The following LINGO2 variants were observed in gnomAD, a reference collection of about 807,000 sequenced individuals.
The protein encoded by LINGO2 is leucine-rich repeat and immunoglobulin-like domain-containing nogo receptor-interacting protein 2.
A neutral mutation model predicts 30.6 loss-of-function variants in LINGO2; 14 were observed. The observed-to-expected ratio is 0.46, with a 90% CI of 0.30 to 0.72. The LOEUF (loss-of-function observed/expected upper bound fraction) is 0.72. Among genes scored for constraint, LINGO2 ranks in the 30% least tolerant of loss-of-function variants. The pLI is 0.07. For synonymous variants in LINGO2, 317 were observed against 288.5 expected (o/e 1.10, Z -1.00); for missense variants, 729 against 751.7 (o/e 0.97, Z 0.35).
the LINGO2 span, among the ~76,000 whole-genome samples, chr9:29,083,412 A>C: frequency 6.6e-6 from 1 of 152,092 alleles, no homozygotes; most frequent in African/African-American, 2.4e-5. Context: ...GAAAGGGAAC[A>C]TCACACACTG....
At chr9:27,950,398 T>C (rs1196522864) in exon 6 of LINGO2, 2 of 1,614,188 alleles carry the variant, frequency 1.2e-6, no homozygotes, top group Non-Finnish European at 1.7e-6. Context: ...TTGGCAATGA[T>C]GTTGTCACTC....
chr9:28,776,954 T>C, the LINGO2 span, among the ~76,000 whole-genome samples: 1 of 152,052 alleles, frequency 6.6e-6, no homozygotes, highest in Non-Finnish European at 1.5e-5. Flanking sequence ...TGATTTCCCC[T>C]TGGATTTCCC....
At chr9:28,755,606 T>A in the LINGO2 span, among the ~76,000 whole-genome samples, 1 of 152,098 alleles carries the variant, frequency 6.6e-6, no homozygotes, top group Non-Finnish European at 1.5e-5. Flanking sequence ...GGACATTTTA[T>A]AGGAAGGAAG....
chr9:28,100,159 G>A (rs770194651), intron 4 of LINGO2, among the ~76,000 whole-genome samples: 12 of 152,018 alleles, frequency 7.9e-5, no homozygotes, highest in Non-Finnish European at 1.2e-4. Context: ...ACCTAGCATC[G>A]TACCTAAAAT....
chr9:28,785,673 A>AACACAC, the LINGO2 span, among the ~76,000 whole-genome samples: 1 of 75,922 alleles, frequency 1.3e-5, no homozygotes, highest in African/African-American at 3.9e-5. Flanking sequence ...TCTCTCCACA[A>AACACAC]ACACACACAC....
chr9:28,435,903 G>A (rs909825230), intron 2 of LINGO2, among the ~76,000 whole-genome samples: 2 of 152,170 alleles, frequency 1.3e-5, no homozygotes, highest in Admixed American at 1.3e-4. Context: ...CACTGGGGAC[G>A]TGAGATTTTA....
the LINGO2 span, among the ~76,000 whole-genome samples, chr9:28,863,176 C>T: frequency 6.6e-6 from 1 of 152,070 alleles, no homozygotes; most frequent in South Asian, 2.1e-4. Flanking sequence ...TACAAAAGTA[C>T]TGCATAACAA....
chr9:28,623,159 A>G (rs1479733560), intron 1 of LINGO2, among the ~76,000 whole-genome samples: 1 of 151,364 alleles, frequency 6.6e-6, no homozygotes, highest in African/African-American at 2.4e-5. Context: ...CACTTTGTTG[A>G]TTGATTCCTT....
At chr9:29,007,965 T>C in the LINGO2 span, among the ~76,000 whole-genome samples, 1 of 152,174 alleles carries the variant, frequency 6.6e-6, no homozygotes, top group Non-Finnish European at 1.5e-5. Context: ...CTAGGGTACA[T>C]GTGCACAACA....
intron 4 of LINGO2, among the ~76,000 whole-genome samples, chr9:28,042,628 C>T (rs920234749): frequency 3.3e-5 from 5 of 152,138 alleles, no homozygotes; most frequent in Non-Finnish European, 4.4e-5. Context: ...CTCTAATTCT[C>T]ATCATGTGTC....
intron 4 of LINGO2, among the ~76,000 whole-genome samples, chr9:28,143,199 A>C (rs1212973461): frequency 6.6e-6 from 1 of 152,198 alleles, no homozygotes; most frequent in Non-Finnish European, 1.5e-5. Flanking sequence ...AAAATTCGAT[A>C]TCTACATTAG....
At chr9:28,156,801 G>A (rs1033094431) in intron 4 of LINGO2, among the ~76,000 whole-genome samples, 4 of 152,240 alleles carry the variant, frequency 2.6e-5, no homozygotes, top group Admixed American at 6.5e-5. Flanking sequence ...CCCCATGGCA[G>A]TCTGAAATCC....
At chr9:28,234,988 C>T (rs982680700) in intron 4 of LINGO2, among the ~76,000 whole-genome samples, 1 of 152,304 alleles carries the variant, frequency 6.6e-6, no homozygotes, top group South Asian at 2.1e-4. Flanking sequence ...TGACTCCAAT[C>T]CCTGGCTTCC....
At chr9:28,094,513 ATGTG>A (rs148153724) in intron 4 of LINGO2, among the ~76,000 whole-genome samples, 1 of 150,482 alleles carries the variant, frequency 6.6e-6, no homozygotes, top group African/African-American at 2.5e-5. Flanking sequence ...GAAAGGGGAT[ATGTG>A]TGTGTGTGTG....
chr9:28,722,703 A>G, the LINGO2 span, among the ~76,000 whole-genome samples: 1 of 152,092 alleles, frequency 6.6e-6, no homozygotes, highest in African/African-American at 2.4e-5. Flanking sequence ...ACTGATATCA[A>G]CCCTCAGGAG....
chr9:28,103,193 T>C (rs896848237), intron 4 of LINGO2, among the ~76,000 whole-genome samples: 8 of 152,164 alleles, frequency 5.3e-5, no homozygotes, highest in Non-Finnish European at 8.8e-5. Flanking sequence ...TAGCTTGAGA[T>C]TCTTTGAATT....
chr9:28,769,533 TTTTTTTTTTTTTA>T, the LINGO2 span, among the ~76,000 whole-genome samples: 15 of 67,330 alleles, frequency 2.2e-4, 1 homozygote, highest in African/African-American at 4.0e-4. Context: ...TTTTTTTTTT[TTTTTTTTTTTTTA>T]CCTGAATGTC....
At chr9:28,397,969 A>T (rs1432991097) in intron 2 of LINGO2, among the ~76,000 whole-genome samples, 1 of 152,228 alleles carries the variant, frequency 6.6e-6, no homozygotes, top group Non-Finnish European at 1.5e-5. Context: ...GTACTCCAAT[A>T]GGCTTTAATA....
chr9:28,670,880 CAT>C (rs545318848), upstream of LINGO2, among the ~76,000 whole-genome samples: 9 of 152,180 alleles, frequency 5.9e-5, no homozygotes, highest in East Asian at 1.5e-3. Flanking sequence ...AAATAAAATA[CAT>C]ATGCTTGCTA....
Sources: gnomAD v4.1 joint callset for allele counts (sites outside exome capture counted in the v4.1 genomes callset) on GRCh38, gnomAD v4.1.1 for gene constraint, MANE v1.5 for transcripts, NCBI Gene and HGNC (gene_info 2026-07-23, HGNC 2026-07-21) for gene names.